The following P4HB variants were observed in gnomAD, a reference collection of about 807,000 sequenced individuals.
The protein encoded by P4HB is protein disulfide-isomerase.
In P4HB, 20 loss-of-function variants were observed where a neutral mutation model predicts 52.6. The observed-to-expected ratio is 0.38, with a 90% CI of 0.27 to 0.55. The LOEUF (loss-of-function observed/expected upper bound fraction) is 0.55, where lower values mean the gene tolerates loss of function less well. Among genes scored for constraint, P4HB ranks in the 20% least tolerant of loss-of-function variants. The pLI is 0.74. For synonymous variants in P4HB, 296 were observed against 277.9 expected, an observed-to-expected ratio of 1.07 and a Z score of -0.65; for missense variants, 601 against 669.2, an observed-to-expected ratio of 0.90 and a Z score of 1.12.
chr17:81,849,399 G>A (rs2038792744), intron 4 of P4HB, among the ~76,000 whole-genome samples: 1 of 152,068 alleles, frequency 6.6e-6, no homozygotes, highest in South Asian at 2.1e-4. Flanking sequence ...GGGAGGCTGA[G>A]GCAGGAGAAT....
At chr17:81,858,406 G>A (rs1027830754) in intron 2 of P4HB, among the ~76,000 whole-genome samples, 1 of 151,978 alleles carries the variant, frequency 6.6e-6, no homozygotes, top group African/African-American at 2.4e-5. Context: ...GGCAACCACG[G>A]AGTTGCTGCC....
At chr17:81,854,758 C>G (rs1208870442) in intron 4 of P4HB, among the ~76,000 whole-genome samples, 1 of 151,400 alleles carries the variant, frequency 6.6e-6, no homozygotes, top group Non-Finnish European at 1.5e-5. Context: ...AGGAGAATCA[C>G]TTGAACCCAG....
At chr17:81,859,158 C>T in intron 2 of P4HB, 23 bp downstream of exon 2, 2 of 1,607,820 alleles carry the variant, frequency 1.2e-6, no homozygotes, top group Non-Finnish European at 8.5e-7. Flanking sequence ...AAAGACAGTT[C>T]AAGGGCAGTG....
In P4HB at chr17:81,855,624, G is replaced by A. The variant is rs1416751801; in HGVS notation, c.353-38C>T. 1 of 1,594,244 alleles carries A rather than the reference G, an allele frequency of 6.3e-7. No homozygotes were observed. ...AAATGTAGGTTCTACTCTCAAACAG[G>A]GAGTGCCGCCTGCCCTGCCGCGCCT... On this transcript the variant is annotated intron_variant, in intron 2 of 10. Transcript: ENST00000331483. This position sits in a 1 kb window ranked among gnomAD's most constrained non-coding sequence, Gnocchi z 4.3.
chr17:81,845,040 T>C (rs952089609), intron 10 of P4HB, 104 bp downstream of exon 10: 87 of 965,302 alleles, frequency 9.0e-5, no homozygotes, highest in Middle Eastern at 6.8e-4. Flanking sequence ...CAGACGTGCC[T>C]CCAATGGCAC....
At position 81,846,341 on chromosome 17, in the gene P4HB, G is replaced by T. The variant is rs1598263767; in HGVS notation, c.1056+88C>A. On this transcript the variant is annotated intron_variant, in intron 7 of 10. Transcript: ENST00000331483. The surrounding 1 kb of genome is among the most constrained non-coding windows in gnomAD (Gnocchi z 5.7). ...TCTTACTCTGAAGATCTTACTTTGA[G>T]GACGAAGCCCAGGACACTGAGAGCC... The T allele has an allele frequency of 1.6e-6, 2 of 1,217,538 alleles. No homozygotes were observed. Among genetic ancestry groups the T allele is most frequent in the East Asian group, 2.3e-5 (1 of 43,038 alleles). The allele number at this position is 1,217,538 out of a possible 1,614,324, so 75.4% of individuals were successfully genotyped here. A position where few individuals can be genotyped will look rare whatever the true frequency, so the allele number is the denominator to read the frequency against.
chr17:81,852,339 C>T (rs913162061), intron 4 of P4HB, among the ~76,000 whole-genome samples: 4 of 152,210 alleles, frequency 2.6e-5, no homozygotes, highest in African/African-American at 4.8e-5. Context: ...CAGGCAAGAG[C>T]GGGCCACACA....
In P4HB at chr17:81,855,362, G is replaced by C; in HGVS notation, c.487-83C>G. 6.2e-7 allele frequency: 1 copy of C among 1,600,502 alleles called. No homozygotes were observed. Among genetic ancestry groups the C allele is most frequent in the East Asian group, 2.2e-5 (1 of 44,714 alleles). ...CAGACCCTGTAGAGCCCAGGCCAGGGGGGACACGTGCAGAACTGCCAGCTG... is the reference window on the plus strand; with the variant it reads ...CAGACCCTGTAGAGCCCAGGCCAGGCGGGACACGTGCAGAACTGCCAGCTG... On this transcript the variant is annotated intron_variant, in intron 3 of 10. Coordinates refer to ENST00000331483, the MANE Select transcript of P4HB (RefSeq NM_000918.4). This position sits in a 1 kb window ranked among gnomAD's most constrained non-coding sequence, Gnocchi z 4.3.
intron 10 of P4HB, 29 bp downstream of exon 10, chr17:81,845,115 G>C (rs1222332130): frequency 6.5e-7 from 1 of 1,543,564 alleles, no homozygotes; most frequent in Admixed American, 1.7e-5. Context: ...GAATCCCAGA[G>C]ACCAGCCCAG....
chr17:81,853,273 C>T (rs371227411), intron 4 of P4HB, among the ~76,000 whole-genome samples: 1 of 152,108 alleles, frequency 6.6e-6, no homozygotes, highest in African/African-American at 2.4e-5. Flanking sequence ...CTGGATGCTC[C>T]GTGCTTACTA....
Position 81,855,289 on chromosome 17 carries a change from G to C in P4HB, c.487-10C>G. The stretch of plus-strand genomic sequence containing the variant: ...AGTCCGACTCCACGTCCTGAATGAG[G>C]AGGGAGAAGCAGAGGTCGTCATGAT... On this transcript the variant is annotated splice_polypyrimidine_tract_variant and intron_variant, in intron 3 of 10. Transcript: ENST00000331483. This position sits in a 1 kb window ranked among gnomAD's most constrained non-coding sequence, Gnocchi z 4.3. The C allele has an allele frequency of 6.2e-7, 1 of 1,613,772 alleles. No individual in the cohort carries two copies. Among genetic ancestry groups the C allele is most frequent in the Non-Finnish European group, 8.5e-7 (1 of 1,180,006 alleles).
chr17:81,846,856 C>T lies in P4HB; in HGVS notation c.855+91G>A. 6.6e-7 allele frequency: 1 copy of T among 1,505,570 alleles called. No individual in the cohort carries two copies. The highest frequency in any genetic ancestry group is 9.1e-7 in the Non-Finnish European group (1 of 1,093,958). 93.3% of individuals were successfully genotyped at this position (1,505,570 alleles called of 1,614,324 possible). On this transcript the variant is annotated intron_variant, in intron 6 of 10. Coordinates refer to ENST00000331483, the MANE Select transcript of P4HB (RefSeq NM_000918.4). The surrounding 1 kb of genome is among the most constrained non-coding windows in gnomAD (Gnocchi z 5.7). ...CAGGTGCCCGATCCAGTCCAGCAGGCAGCCTCAGGAAGGCCCCACACTTGT... is the reference window on the plus strand; with the variant it reads ...CAGGTGCCCGATCCAGTCCAGCAGGTAGCCTCAGGAAGGCCCCACACTTGT...
chr17:81,857,533 T>A (rs2038930553), intron 2 of P4HB, among the ~76,000 whole-genome samples: 1 of 152,180 alleles, frequency 6.6e-6, no homozygotes, highest in Admixed American at 6.5e-5. Flanking sequence ...GCAGGCCTCA[T>A]TTTAGAGAGG....
chr17:81,844,133 C>A, intron 10 of P4HB, 41 bp from the exon 11 acceptor site: 1 of 1,414,710 alleles, frequency 7.1e-7, no homozygotes, highest in East Asian at 2.3e-5. Context: ...AGGTTGGCTG[C>A]AACAGCTGAG....
Position 81,855,057 on chromosome 17 carries a change from T to C in P4HB, c.624+85A>G. 2.9e-6 allele frequency: 4 copies of C among 1,365,930 alleles called. No individual in the cohort carries two copies. In the Admixed American group the frequency reaches 5.2e-5, roughly 18 times the overall value. The allele number at this position is 1,365,930 out of a possible 1,614,324, so 84.6% of individuals were successfully genotyped here. On this transcript the variant is annotated intron_variant, in intron 4 of 10. Transcript: ENST00000331483. The surrounding 1 kb of genome is among the most constrained non-coding windows in gnomAD (Gnocchi z 4.3). ...TGGGCCAAAGGTGCCAGGAGCAAGG[T>C]TCCCTTAACGATAAGGAGAGCAACG...
At chr17:81,860,040 G>T (rs1279429338) in intron 1 of P4HB, 3 of 296,734 alleles carry the variant, frequency 1.0e-5, no homozygotes, top group Non-Finnish European at 1.9e-5. Flanking sequence ...GGCAAGGCTG[G>T]ACACTGGCTT....
At chr17:81,853,135 A>C (rs1598268577) in intron 4 of P4HB, among the ~76,000 whole-genome samples, 1 of 152,256 alleles carries the variant, frequency 6.6e-6, no homozygotes, top group South Asian at 2.1e-4. Flanking sequence ...AGTTATCTTG[A>C]GGAAGTGGCT....
chr17:81,860,107 G>A (rs2038975006), intron 1 of P4HB: 1 of 402,980 alleles, frequency 2.5e-6, no homozygotes, highest in South Asian at 6.6e-5. Context: ...GGAAGATCCT[G>A]CCGTGCGCAG....
At chr17:81,858,257 CAAAAAAAAAAAAAA>C (rs901002093) in intron 2 of P4HB, among the ~76,000 whole-genome samples, 2 of 38,780 alleles carry the variant, frequency 5.2e-5, no homozygotes, top group African/African-American at 7.7e-5. Context: ...GAGACTGTCT[CAAAAAAAAAAAAAA>C]AAAAAAAAAA....
Sources: allele counts gnomAD v4.1 joint callset (sites outside exome capture counted in the v4.1 genomes callset), GRCh38; gene constraint gnomAD v4.1.1; non-coding constraint Gnocchi (gnomAD v3.1); transcripts MANE v1.5; gene names NCBI Gene and HGNC (gene_info 2026-07-23, HGNC 2026-07-21).